Variants in BFAR observed in about 807,000 individuals in gnomAD.
The protein encoded by BFAR is RING finger protein 47.
Under a neutral mutation model 54.4 loss-of-function variants are expected in BFAR, and 52 were observed. The ratio of observed to expected loss-of-function variants is 0.96; its 90% confidence interval spans 0.77 to 1.21. The LOEUF (loss-of-function observed/expected upper bound fraction) is 1.21. Ranked by LOEUF, BFAR falls within the 50% of genes most tolerant of loss-of-function variation. The pLI is 0.00. For missense variants in BFAR, 571 were observed against 534.0 expected (o/e 1.07, Z -0.68); for synonymous variants, 215 against 204.3 (o/e 1.05, Z -0.45).
chr16:14,662,415 G>T (rs1247251799), intron 6 of BFAR, among the ~76,000 whole-genome samples: 1 of 152,104 alleles, frequency 6.6e-6, no homozygotes, highest in Non-Finnish European at 1.5e-5. Flanking sequence ...ATAGTCTGAA[G>T]CCTGCTAATC....
intron 7 of BFAR, 68 bp downstream of exon 7, chr16:14,665,139 CTT>C: frequency 7.1e-7 from 1 of 1,405,760 alleles, no homozygotes; most frequent in South Asian, 1.2e-5. Context: ...GAAAGATCCT[CTT>C]TTATTTCTCA....
Position 14,667,992 on chromosome 16 carries a change from T to A in BFAR, c.*165T>A. ...ACCATGTCCTCTCCCCCTCAGCCTGTGGGTGGCACGAGCAAGGACTGACAT... is the reference window on the plus strand; with the variant it reads ...ACCATGTCCTCTCCCCCTCAGCCTGAGGGTGGCACGAGCAAGGACTGACAT... On this transcript the variant is annotated 3_prime_UTR_variant, in exon 8 of 8. Coordinates refer to ENST00000261658, the MANE Select transcript of BFAR (RefSeq NM_016561.3). The A allele has an allele frequency of 1.4e-6, 1 of 708,962 alleles. No individual in the cohort carries two copies. The highest frequency in any genetic ancestry group is 2.0e-5 in the South Asian group (1 of 49,548). The allele number at this position is 708,962 out of a possible 1,614,324, so 43.9% of individuals were successfully genotyped here.
rs189542955 is a variant in BFAR at position 14,665,761 on chromosome 16, G to A, written c.1160+690G>A. ...AGATCTTAGAGGCTTCCCCCAAACC[G>A]GAGTTAGTGAGAAGTCAATATGGCA... On this transcript the variant is annotated intron_variant, in intron 7 of 7. Coordinates refer to ENST00000261658, the MANE Select transcript of BFAR (RefSeq NM_016561.3). 1.3e-3 allele frequency among the ~76,000 whole-genome samples: 203 copies of A among 152,284 alleles called. 1 individual carries two copies. Among genetic ancestry groups the A allele is most frequent in the African/African-American group, 4.5e-3 (187 of 41,560 alleles).
At chr16:14,639,468 C>T (rs748747903) in intron 1 of BFAR, among the ~76,000 whole-genome samples, 5 of 152,016 alleles carry the variant, frequency 3.3e-5, no homozygotes, top group Non-Finnish European at 5.9e-5. Context: ...CCACCATGCC[C>T]GGCTAATTTT....
chr16:14,666,423 T>C (rs571294977), intron 7 of BFAR, among the ~76,000 whole-genome samples: 1 of 152,118 alleles, frequency 6.6e-6, no homozygotes, highest in Non-Finnish European at 1.5e-5. Flanking sequence ...ATACAAAAAT[T>C]AGCCAGGCGT....
chr16:14,662,834 G>A (rs1020153194), intron 6 of BFAR, among the ~76,000 whole-genome samples: 52 of 152,206 alleles, frequency 3.4e-4, no homozygotes, highest in African/African-American at 1.2e-3. Context: ...TATTTGTCCG[G>A]GAGCGTCGGC....
intron 5 of BFAR, among the ~76,000 whole-genome samples, chr16:14,656,166 C>T (rs1344638158): frequency 6.6e-6 from 1 of 151,944 alleles, no homozygotes; most frequent in East Asian, 1.9e-4. Context: ...CACACCGCTG[C>T]ATGGCAGCCT....
chr16:14,665,316 C>T, intron 7 of BFAR: 1 of 396,922 alleles, frequency 2.5e-6, no homozygotes, highest in Non-Finnish European at 4.5e-6. Context: ...AATAATATAC[C>T]ATTTAATTTC....
intron 1 of BFAR, among the ~76,000 whole-genome samples, chr16:14,636,284 C>T (rs1400239220): frequency 6.6e-6 from 1 of 152,154 alleles, no homozygotes; most frequent in Non-Finnish European, 1.5e-5. Flanking sequence ...TATGGAGGAT[C>T]CCGCCAGCCT....
chr16:14,638,226 A>T (rs1959514253), intron 1 of BFAR, among the ~76,000 whole-genome samples: 1 of 152,254 alleles, frequency 6.6e-6, no homozygotes, highest in Middle Eastern at 3.4e-3. Context: ...ATACAAAAAA[A>T]ATTTTAATTA....
At position 14,668,398 on chromosome 16, in the gene BFAR, A is replaced by C. The variant is rs781008979; in HGVS notation, c.*571A>C. 3 of 153,046 alleles carry C rather than the reference A, an allele frequency of 2.0e-5. No homozygotes were observed. The highest frequency in any genetic ancestry group is 2.9e-5 in the Non-Finnish European group (2 of 68,646). 9.5% of individuals were successfully genotyped at this position (153,046 alleles called of 1,614,324 possible). On this transcript the variant is annotated 3_prime_UTR_variant, in exon 8 of 8. Transcript: ENST00000261658. Reference sequence around the variant, plus strand: ...TTGCTAGGATTCAGAGTAAAACTCAAAGGATTCAGTTTGAGCCTAGAATGA... The same window carrying C: ...TTGCTAGGATTCAGAGTAAAACTCACAGGATTCAGTTTGAGCCTAGAATGA...
At chr16:14,654,278 G>A (rs574343037) in intron 4 of BFAR, among the ~76,000 whole-genome samples, 3 of 151,612 alleles carry the variant, frequency 2.0e-5, no homozygotes, top group Non-Finnish European at 2.9e-5. Flanking sequence ...CCCAAAGTGC[G>A]AACTATTCTT....
chr16:14,650,127 G>C, intron 4 of BFAR, 154 bp downstream of exon 4: 1 of 682,684 alleles, frequency 1.5e-6, no homozygotes, highest in South Asian at 3.7e-5. Context: ...TTCCAGACCA[G>C]CCTGACCAAT....
chr16:14,636,749 A>G (rs1034054197), intron 1 of BFAR, among the ~76,000 whole-genome samples: 1 of 152,214 alleles, frequency 6.6e-6, no homozygotes, highest in African/African-American at 2.4e-5. Context: ...ATTTCAGACT[A>G]TCACATGGGG....
chr16:14,647,471 C>T (rs567892475), intron 2 of BFAR, among the ~76,000 whole-genome samples: 2 of 151,862 alleles, frequency 1.3e-5, no homozygotes, highest in East Asian at 2.0e-4. Flanking sequence ...CCGAGGCAGG[C>T]GGATCTCATG....
intron 7 of BFAR, chr16:14,665,276 A>T: frequency 1.7e-6 from 1 of 576,330 alleles, no homozygotes; most frequent in Non-Finnish European, 3.1e-6. Context: ...CATTGTTAAA[A>T]GTATTTTCCT....
chr16:14,638,990 A>G (rs1475379048), intron 1 of BFAR, among the ~76,000 whole-genome samples: 14 of 152,104 alleles, frequency 9.2e-5, no homozygotes, highest in Non-Finnish European at 1.5e-5. Context: ...AGAATTAATG[A>G]TTTCTCTTTA....
At chr16:14,634,483 G>C (rs544188079) in intron 1 of BFAR, among the ~76,000 whole-genome samples, 1 of 152,240 alleles carries the variant, frequency 6.6e-6, no homozygotes, top group Admixed American at 6.5e-5. Context: ...TAATAATGCC[G>C]ATCAGCCCCA....
intron 1 of BFAR, among the ~76,000 whole-genome samples, chr16:14,640,627 G>T (rs938002740): frequency 6.6e-6 from 1 of 152,202 alleles, no homozygotes; most frequent in African/African-American, 2.4e-5. Flanking sequence ...GGTGGCTACT[G>T]GTGGTGAGAC....
Sources: gnomAD v4.1 joint callset for allele counts (sites outside exome capture counted in the v4.1 genomes callset) on GRCh38, gnomAD v4.1.1 for gene constraint, MANE v1.5 for transcripts, NCBI Gene and HGNC (gene_info 2026-07-23, HGNC 2026-07-21) for gene names.